MTUS1: variants seen among roughly 807,000 people sequenced by gnomAD.
The protein encoded by MTUS1 is microtubule associated scaffold protein 1.
A neutral mutation model predicts 120.8 loss-of-function variants in MTUS1; 109 were observed. The observed-to-expected ratio is 0.90, with a 90% confidence interval of 0.77 to 1.06. MTUS1 has a LOEUF of 1.06. Among genes scored for constraint, MTUS1 ranks in the 50% least tolerant of loss-of-function variants. MTUS1 has a pLI of 0.00. For synonymous variants in MTUS1, 737 were observed against 550.5 expected, an observed-to-expected ratio of 1.34 and a Z score of -4.74; for missense variants, 2,210 against 1,486.3, an observed-to-expected ratio of 1.49 and a Z score of -8.01.
chr8:17,785,761 G>C (rs762162161), intron 1 of MTUS1, among the ~76,000 whole-genome samples: 88 of 152,258 alleles, frequency 5.8e-4, no homozygotes, highest in Non-Finnish European at 1.1e-3. Flanking sequence ...CAGATCTGGA[G>C]GGCAGTTTCT....
intron 6 of MTUS1, among the ~76,000 whole-genome samples, chr8:17,689,872 A>C (rs1816604581): frequency 6.7e-6 from 1 of 149,810 alleles, no homozygotes; most frequent in Non-Finnish European, 1.5e-5. Context: ...GCAAAAATTA[A>C]GACAGATTTA....
chr8:17,674,200 G>T (rs567079674), intron 8 of MTUS1, among the ~76,000 whole-genome samples: 1 of 152,106 alleles, frequency 6.6e-6, no homozygotes, highest in Non-Finnish European at 1.5e-5. Flanking sequence ...TACTTTGGGA[G>T]GCCAAGGTCA....
chr8:17,792,703 A>C (rs2051899381), intron 1 of MTUS1, among the ~76,000 whole-genome samples: 1 of 152,222 alleles, frequency 6.6e-6, no homozygotes, highest in African/African-American at 2.4e-5. Context: ...GTCTCTACCA[A>C]AAATACAAAA....
intron 3 of MTUS1, among the ~76,000 whole-genome samples, chr8:17,724,717 G>A (rs557914008): frequency 3.3e-5 from 5 of 152,168 alleles, no homozygotes; most frequent in East Asian, 3.9e-4. Flanking sequence ...CCAGTCTTTC[G>A]CTCTTAACCC....
At chr8:17,658,790 T>A (rs975096523) in intron 8 of MTUS1, among the ~76,000 whole-genome samples, 1 of 152,162 alleles carries the variant, frequency 6.6e-6, no homozygotes, top group South Asian at 2.1e-4. Flanking sequence ...GTCAACTTGT[T>A]ATCTCAGGAA....
intron 6 of MTUS1, among the ~76,000 whole-genome samples, chr8:17,712,978 AT>A (rs1821629509): frequency 6.6e-6 from 1 of 152,198 alleles, no homozygotes; most frequent in African/African-American, 2.4e-5. Flanking sequence ...TAACAAAATC[AT>A]TTTTTAAAAG....
intron 3 of MTUS1, among the ~76,000 whole-genome samples, chr8:17,731,526 G>A (rs1439307462): frequency 2.6e-5 from 4 of 152,138 alleles, no homozygotes; most frequent in Non-Finnish European, 4.4e-5. Flanking sequence ...AAGGGCTTAA[G>A]ATGAAACCAT....
intron 8 of MTUS1, among the ~76,000 whole-genome samples, chr8:17,673,027 T>C (rs1291050407): frequency 6.6e-6 from 1 of 152,176 alleles, no homozygotes; most frequent in Non-Finnish European, 1.5e-5. Flanking sequence ...AATGTGAACC[T>C]CTAGGTAGGC....
intron 3 of MTUS1, among the ~76,000 whole-genome samples, chr8:17,736,506 G>A (rs116904628): frequency 0.036 from 5,418 of 152,168 alleles, 120 homozygotes; most frequent in South Asian, 0.073. Flanking sequence ...CCCAAATGTC[G>A]CCCTCTCAGT....
In MTUS1 at chr8:17,723,563, A is replaced by G. The variant is rs569256704; in HGVS notation, c.2449+109T>C. ...GCAACTCCAAGGAAGCAGTATGCCT[A>G]TTTTTCCTGAAACCCCAGAAACAAA... On this transcript the variant is annotated intron_variant, in intron 4 of 14. Coordinates refer to ENST00000693296, the MANE Select transcript of MTUS1 (RefSeq NM_001363059.2). The G allele has an allele frequency of 1.3e-5, 16 of 1,227,312 alleles. 1 individual carries two copies. Among genetic ancestry groups the G allele is most frequent in the East Asian group, 2.4e-5 (1 of 42,372 alleles). 76.0% of individuals were successfully genotyped at this position (1,227,312 alleles called of 1,614,324 possible).
At chr8:17,665,929 G>T (rs1477355989) in intron 8 of MTUS1, among the ~76,000 whole-genome samples, 2 of 152,020 alleles carry the variant, frequency 1.3e-5, no homozygotes, top group African/African-American at 2.4e-5. Flanking sequence ...CAGCCAGCCT[G>T]TCTTCCATCT....
intron 6 of MTUS1, among the ~76,000 whole-genome samples, chr8:17,701,751 G>A (rs1269181275): frequency 2.0e-5 from 3 of 152,000 alleles, no homozygotes; most frequent in Admixed American, 6.6e-5. Context: ...GGGTTTCACC[G>A]TGTTAGCCAG....
At chr8:17,799,307 C>T (rs1196156719) in intron 1 of MTUS1, among the ~76,000 whole-genome samples, 2 of 152,070 alleles carry the variant, frequency 1.3e-5, no homozygotes, top group East Asian at 3.9e-4. Flanking sequence ...ATTAAGTAGC[C>T]ACTAAGATTT....
chr8:17,687,672 C>G (rs1045312375), intron 6 of MTUS1, among the ~76,000 whole-genome samples: 1 of 152,214 alleles, frequency 6.6e-6, no homozygotes, highest in Non-Finnish European at 1.5e-5. Context: ...CCACCATCAG[C>G]TGTGATCCAG....
chr8:17,765,780 C>G (rs2131408149), intron 1 of MTUS1, among the ~76,000 whole-genome samples: 1 of 151,430 alleles, frequency 6.6e-6, no homozygotes, highest in African/African-American at 2.4e-5. Flanking sequence ...GACAGGTCAA[C>G]TCAATTCAAG....
At chr8:17,756,672 C>CCCCCCCCCT (rs1413103775) in intron 1 of MTUS1, among the ~76,000 whole-genome samples, 1 of 46,702 alleles carries the variant, frequency 2.1e-5, no homozygotes, top group African/African-American at 6.6e-5. Flanking sequence ...CAAGCCCAAA[C>CCCCCCCCCT]CCCCACCCCT....
At chr8:17,764,712 A>T (rs1438606056) in intron 1 of MTUS1, among the ~76,000 whole-genome samples, 1 of 152,254 alleles carries the variant, frequency 6.6e-6, no homozygotes. Context: ...ATGGAAATGA[A>T]CAAGCGCAAC....
At chr8:17,762,749 C>A (rs1273559144) in intron 1 of MTUS1, among the ~76,000 whole-genome samples, 3 of 151,852 alleles carry the variant, frequency 2.0e-5, no homozygotes, top group East Asian at 3.9e-4. Flanking sequence ...AACAGTATTT[C>A]TCTGACTTTA....
intron 6 of MTUS1, among the ~76,000 whole-genome samples, chr8:17,702,234 C>T (rs910896808): frequency 1.2e-4 from 18 of 152,176 alleles, no homozygotes; most frequent in African/African-American, 2.4e-4. Flanking sequence ...TCTTATTCTT[C>T]GCCAGTACCA....
Sources: gnomAD v4.1 joint callset for allele counts (sites outside exome capture counted in the v4.1 genomes callset) on GRCh38, gnomAD v4.1.1 for gene constraint, MANE v1.5 for transcripts, NCBI Gene and HGNC (gene_info 2026-07-23, HGNC 2026-07-21) for gene names.